MGLL: variants seen among roughly 807,000 people sequenced by gnomAD.
MGLL encodes monoglyceride lipase, also known as lysophospholipase homolog.
Under a neutral mutation model 29.1 loss-of-function variants are expected in MGLL, and 7 were observed. That is an observed-to-expected ratio of 0.24 (90% CI 0.14 to 0.45). The LOEUF is 0.45. Ranked by LOEUF, MGLL falls within the 20% of genes least tolerant of loss-of-function variation. MGLL has a pLI of 0.99. For synonymous variants in MGLL, 148 were observed against 168.3 expected, an observed-to-expected ratio of 0.88 and a Z score of 0.93; for missense variants, 356 against 413.6, an observed-to-expected ratio of 0.86 and a Z score of 1.21.
At chr3:127,807,703 T>C (rs2077590190) in intron 2 of MGLL, among the ~76,000 whole-genome samples, 1 of 151,274 alleles carries the variant, frequency 6.6e-6, no homozygotes, top group African/African-American at 2.4e-5. Context: ...CATTTTATGA[T>C]GTTTTCTGAC....
chr3:127,819,172 T>C (rs2077813534), intron 2 of MGLL, among the ~76,000 whole-genome samples: 1 of 152,212 alleles, frequency 6.6e-6, no homozygotes, highest in Non-Finnish European at 1.5e-5. Flanking sequence ...AGGTTCCCAG[T>C]GCAGCGGCTG....
At chr3:127,751,749 AC>A (rs1320952444) in intron 3 of MGLL, among the ~76,000 whole-genome samples, 1 of 152,034 alleles carries the variant, frequency 6.6e-6, no homozygotes, top group African/African-American at 2.4e-5. Flanking sequence ...GCAAAAAAAA[AC>A]CCCAAAAAAT....
intron 5 of MGLL, among the ~76,000 whole-genome samples, chr3:127,717,889 G>A (rs1180792453): frequency 1.3e-5 from 2 of 152,164 alleles, no homozygotes; most frequent in East Asian, 1.9e-4. Context: ...CACGAGCCGC[G>A]AGCCATGGTG....
At chr3:127,772,598 G>A (rs992665706) in intron 3 of MGLL, among the ~76,000 whole-genome samples, 5 of 152,226 alleles carry the variant, frequency 3.3e-5, no homozygotes, top group African/African-American at 7.2e-5. Flanking sequence ...ACTCCCATGA[G>A]GCTAAAGCCA....
At chr3:127,732,969 T>A (rs2076177861) in intron 3 of MGLL, among the ~76,000 whole-genome samples, 1 of 151,920 alleles carries the variant, frequency 6.6e-6, no homozygotes, top group South Asian at 2.1e-4. Context: ...GCCAGAGGCG[T>A]TTGAACCAGA....
intron 3 of MGLL, among the ~76,000 whole-genome samples, chr3:127,740,855 C>A (rs1350847924): frequency 1.3e-5 from 2 of 152,194 alleles, no homozygotes; most frequent in Non-Finnish European, 2.9e-5. Context: ...AAGAACACAG[C>A]ACGGGAAAAG....
At chr3:127,789,740 A>G (rs940848668) in intron 2 of MGLL, among the ~76,000 whole-genome samples, 1 of 152,132 alleles carries the variant, frequency 6.6e-6, no homozygotes, top group African/African-American at 2.4e-5. Context: ...GAAAGGAAAG[A>G]AGGAAAGAAA....
intron 2 of MGLL, 87 bp downstream of exon 2, chr3:127,821,607 G>C: frequency 1.3e-6 from 2 of 1,518,194 alleles, no homozygotes; most frequent in Non-Finnish European, 1.8e-6. Context: ...AAGCGGCCCC[G>C]CCCCAGATGG....
At chr3:127,709,323 A>G (rs1414867437) in intron 6 of MGLL, among the ~76,000 whole-genome samples, 2 of 152,184 alleles carry the variant, frequency 1.3e-5, no homozygotes, top group Non-Finnish European at 2.9e-5. Context: ...ATTAATGTGG[A>G]TGGGTTGGAT....
chr3:127,805,443 T>C (rs2077549406), intron 2 of MGLL, among the ~76,000 whole-genome samples: 1 of 152,100 alleles, frequency 6.6e-6, no homozygotes, highest in Non-Finnish European at 1.5e-5. Flanking sequence ...TGAACACCTA[T>C]GGAGGGTGAA....
chr3:127,747,425 C>G (rs1411639368), intron 3 of MGLL, among the ~76,000 whole-genome samples: 3 of 152,232 alleles, frequency 2.0e-5, no homozygotes, highest in Non-Finnish European at 4.4e-5. Context: ...TCAGGGTCTA[C>G]TACAGACCCC....
At chr3:127,697,236 G>T (rs775060610) in intron 6 of MGLL, among the ~76,000 whole-genome samples, 2 of 152,206 alleles carry the variant, frequency 1.3e-5, no homozygotes, top group Non-Finnish European at 2.9e-5. Flanking sequence ...AGGGAAGGAG[G>T]GCTGTAGGGC....
At chr3:127,800,154 T>C (rs900853177) in intron 2 of MGLL, among the ~76,000 whole-genome samples, 3 of 152,192 alleles carry the variant, frequency 2.0e-5, no homozygotes, top group Admixed American at 1.3e-4. Context: ...GCTTTGGTGA[T>C]TGAACCACAC....
intron 3 of MGLL, chr3:127,735,928 AGT>A (rs1262586326): frequency 6.0e-6 from 9 of 1,508,326 alleles, no homozygotes; most frequent in Non-Finnish European, 7.9e-6. Context: ...CTGCACCTTC[AGT>A]TAGAATCCTG....
rs890932974 is a variant in MGLL at position 127,690,379 on chromosome 3, G to A, written c.*1819C>T. Reference sequence around the variant, plus strand: ...CAAGCCCCCACCTGCCCCTTGTGGGGTGAGGGCTTGGCTCCTCCCCCAGGG... The same window carrying A: ...CAAGCCCCCACCTGCCCCTTGTGGGATGAGGGCTTGGCTCCTCCCCCAGGG... On this transcript the variant is annotated 3_prime_UTR_variant, in exon 8 of 8. Coordinates refer to ENST00000265052, the MANE Select transcript of MGLL (RefSeq NM_007283.7). 2.0e-5 allele frequency: 3 copies of A among 152,244 alleles called. No individual in the cohort carries two copies. Among genetic ancestry groups the A allele is most frequent in the Non-Finnish European group, 4.4e-5 (3 of 68,056 alleles). The allele number at this position is 152,244 out of a possible 1,614,324, so 9.4% of individuals were successfully genotyped here. A position where few individuals can be genotyped will look rare whatever the true frequency, so the allele number is the denominator to read the frequency against.
intron 3 of MGLL, among the ~76,000 whole-genome samples, chr3:127,741,135 G>A (rs2076332523): frequency 6.6e-6 from 1 of 152,256 alleles, no homozygotes; most frequent in South Asian, 2.1e-4. Context: ...AGGACAACTA[G>A]GTCTCTGTTT....
chr3:127,810,572 A>G (rs1244662884), intron 2 of MGLL, among the ~76,000 whole-genome samples: 1 of 152,218 alleles, frequency 6.6e-6, no homozygotes, highest in African/African-American at 2.4e-5. Context: ...TCACAAGACA[A>G]CATCCATGGT....
At chr3:127,803,285 C>T (rs1431187550) in intron 2 of MGLL, among the ~76,000 whole-genome samples, 1 of 152,040 alleles carries the variant, frequency 6.6e-6, no homozygotes, top group Admixed American at 6.6e-5. Flanking sequence ...TGGCACAAGC[C>T]TGAGTCTCTT....
chr3:127,814,010 C>T (rs1459153902), intron 2 of MGLL, among the ~76,000 whole-genome samples: 6 of 151,882 alleles, frequency 4.0e-5, no homozygotes, highest in Admixed American at 6.6e-5. Context: ...CTCCTTCCTT[C>T]CTTCCTTCTT....
Sources: gnomAD v4.1 joint callset for allele counts (sites outside exome capture counted in the v4.1 genomes callset) on GRCh38, gnomAD v4.1.1 for gene constraint, MANE v1.5 for transcripts, NCBI Gene and HGNC (gene_info 2026-07-23, HGNC 2026-07-21) for gene names.